Variants in FHIP1A observed in about 807,000 individuals in gnomAD.
FHIP1A encodes the protein FHF complex subunit HOOK interacting protein 1A, also known as FHF complex subunit HOOK-interacting protein 1A.
FHIP1A carries 61 observed loss-of-function variants against 88.6 expected under a neutral mutation model. The ratio of observed to expected loss-of-function variants is 0.69; its 90% confidence interval spans 0.56 to 0.85. The LOEUF (loss-of-function observed/expected upper bound fraction) is 0.85, where lower values mean the gene tolerates loss of function less well. Among genes scored for constraint, FHIP1A ranks in the 40% least tolerant of loss-of-function variants. FHIP1A has a pLI of 0.00. For missense variants in FHIP1A, 1,154 were observed against 1,273.5 expected (o/e 0.91, Z 1.43); for synonymous variants, 478 against 496.0 (o/e 0.96, Z 0.48).
intron 3 of FHIP1A, among the ~76,000 whole-genome samples, chr4:151,518,770 A>G (rs1731347522): frequency 6.6e-6 from 1 of 150,664 alleles, no homozygotes; most frequent in Non-Finnish European, 1.5e-5. Context: ...AGTGATCCTC[A>G]TACCTTAGCC....
At chr4:151,610,078 G>T (rs1735265351) in intron 7 of FHIP1A, among the ~76,000 whole-genome samples, 1 of 152,130 alleles carries the variant, frequency 6.6e-6, no homozygotes, top group African/African-American at 2.4e-5. Flanking sequence ...ACCAGGATTG[G>T]TTTCCCAGCT....
At chr4:151,571,234 A>C (rs910168606) in intron 4 of FHIP1A, among the ~76,000 whole-genome samples, 1 of 152,234 alleles carries the variant, frequency 6.6e-6, no homozygotes, top group African/African-American at 2.4e-5. Flanking sequence ...AGGTGGGTTA[A>C]AACAAATCAA....
chr4:151,548,220 C>A (rs72728171), intron 3 of FHIP1A, among the ~76,000 whole-genome samples: 42,618 of 151,806 alleles, frequency 0.28, 6,298 homozygotes, highest in Non-Finnish European at 0.34. Context: ...GGAATTCAAA[C>A]CCCTGGTCTA....
chr4:151,589,423 C>T (rs1011221406), intron 7 of FHIP1A, among the ~76,000 whole-genome samples: 70 of 137,364 alleles, frequency 5.1e-4, no homozygotes, highest in Non-Finnish European at 2.4e-4. Flanking sequence ...TGTTGGCTGT[C>T]TCATTAGCAC....
intron 7 of FHIP1A, among the ~76,000 whole-genome samples, chr4:151,593,307 A>T (rs28836879): frequency 0.034 from 5,142 of 152,224 alleles, 294 homozygotes; most frequent in African/African-American, 0.12. Flanking sequence ...AAGAAAGTCA[A>T]TGGTAGCTTG....
intron 2 of FHIP1A, among the ~76,000 whole-genome samples, chr4:151,457,945 C>G (rs114557809): frequency 6.6e-6 from 1 of 152,286 alleles, no homozygotes; most frequent in South Asian, 2.1e-4. Context: ...GGCTTGAAGC[C>G]TACCAGTTTA....
chr4:151,598,046 T>C (rs1216404014), intron 7 of FHIP1A, among the ~76,000 whole-genome samples: 2 of 151,874 alleles, frequency 1.3e-5, no homozygotes, highest in African/African-American at 4.8e-5. Flanking sequence ...AACGGTTCTG[T>C]CTCACTGGCC....
chr4:151,432,587 G>A (rs151002031), intron 1 of FHIP1A, among the ~76,000 whole-genome samples: 127 of 152,322 alleles, frequency 8.3e-4, no homozygotes, highest in Non-Finnish European at 1.4e-3. Flanking sequence ...GCAAAAATTA[G>A]TTAAGACTTG....
chr4:151,616,417 C>T (rs905583965), intron 7 of FHIP1A, among the ~76,000 whole-genome samples: 1 of 148,888 alleles, frequency 6.7e-6, no homozygotes, highest in African/African-American at 2.5e-5. Flanking sequence ...TGGGGAAGAG[C>T]AGAGACAAAT....
intron 3 of FHIP1A, among the ~76,000 whole-genome samples, chr4:151,509,736 C>T (rs1405032194): frequency 4.0e-5 from 6 of 150,082 alleles, no homozygotes; most frequent in East Asian, 3.9e-4. Context: ...GCTCAAAGTA[C>T]GTTAAAAATA....
chr4:151,457,396 C>T (rs1384727236), intron 2 of FHIP1A, among the ~76,000 whole-genome samples: 1 of 152,110 alleles, frequency 6.6e-6, no homozygotes, highest in Non-Finnish European at 1.5e-5. Flanking sequence ...AGGGAAGAGC[C>T]CTGGCCCTGG....
At chr4:151,661,408 GT>G (rs5862966) in intron 13 of FHIP1A, among the ~76,000 whole-genome samples, 6,402 of 128,516 alleles carry the variant, frequency 0.05, 142 homozygotes, top group African/African-American at 0.076. Flanking sequence ...AGTGGAAGTT[GT>G]TTTTTTTTTT....
intron 5 of FHIP1A, among the ~76,000 whole-genome samples, chr4:151,582,764 T>G (rs1396471167): frequency 6.6e-6 from 1 of 152,228 alleles, no homozygotes; most frequent in Non-Finnish European, 1.5e-5. Flanking sequence ...TTTTTTTGTG[T>G]GTGTGGATGG....
chr4:151,460,390 A>G (rs1729106849), intron 2 of FHIP1A, among the ~76,000 whole-genome samples: 1 of 152,210 alleles, frequency 6.6e-6, no homozygotes, highest in African/African-American at 2.4e-5. Context: ...GCAGATAAAA[A>G]TAGCTACTCA....
chr4:151,480,341 A>C (rs945296817), intron 2 of FHIP1A, among the ~76,000 whole-genome samples: 1 of 152,030 alleles, frequency 6.6e-6, no homozygotes, highest in Non-Finnish European at 1.5e-5. Context: ...AAAATTGTAG[A>C]GTGTAAGGGG....
intron 8 of FHIP1A, among the ~76,000 whole-genome samples, chr4:151,632,197 C>T (rs1736182166): frequency 6.6e-6 from 1 of 150,982 alleles, no homozygotes; most frequent in Non-Finnish European, 1.5e-5. Context: ...AAAAAGGACA[C>T]GAGATAAGGA....
chr4:151,594,730 C>T (rs540708992), intron 7 of FHIP1A, among the ~76,000 whole-genome samples: 10 of 152,054 alleles, frequency 6.6e-5, no homozygotes, highest in Non-Finnish European at 1.2e-4. Flanking sequence ...CCTGCCACCA[C>T]GCCTGGCTAA....
chr4:151,524,314 A>G (rs1319867438), intron 3 of FHIP1A, among the ~76,000 whole-genome samples: 1 of 152,210 alleles, frequency 6.6e-6, no homozygotes, highest in Non-Finnish European at 1.5e-5. Flanking sequence ...AAAAAAAAAA[A>G]AAAGTTGTTA....
At chr4:151,542,848 C>T (rs1454640290) in intron 3 of FHIP1A, among the ~76,000 whole-genome samples, 2 of 152,162 alleles carry the variant, frequency 1.3e-5, no homozygotes, top group Admixed American at 1.3e-4. Flanking sequence ...CCACTTACCT[C>T]AGGAAGGCAA....
Sources: allele counts gnomAD v4.1 joint callset (sites outside exome capture counted in the v4.1 genomes callset), GRCh38; gene constraint gnomAD v4.1.1; transcripts MANE v1.5; gene names NCBI Gene and HGNC (gene_info 2026-07-23, HGNC 2026-07-21).